Variants in ZFAND4 observed in about 807,000 individuals in gnomAD.
ZFAND4 encodes zinc finger AN1-type containing 4.
In ZFAND4, 43 loss-of-function variants were observed where a neutral mutation model predicts 64.4. That is an observed-to-expected ratio of 0.67 (90% CI 0.52 to 0.86). The LOEUF is 0.86. Ranked by LOEUF, ZFAND4 falls within the 40% of genes least tolerant of loss-of-function variation. The probability of loss-of-function intolerance (pLI) is 0.00; values close to 1 mark genes in which losing one functional copy is unlikely to be tolerated. For missense variants in ZFAND4, 929 were observed against 859.8 expected (o/e 1.08, Z -1.01); for synonymous variants, 296 against 305.7 (o/e 0.97, Z 0.33).
intron 2 of ZFAND4, among the ~76,000 whole-genome samples, chr10:45,660,647 C>T (rs1305028866): frequency 6.6e-6 from 1 of 151,772 alleles, no homozygotes; most frequent in Non-Finnish European, 1.5e-5. Context: ...AAGACAAAGA[C>T]AAAATTCTTA....
chr10:45,643,021 GCCC>G (rs377641949), intron 5 of ZFAND4, among the ~76,000 whole-genome samples: 8,806 of 146,882 alleles, frequency 0.06, 379 homozygotes, highest in African/African-American at 0.12. Flanking sequence ...GGGTTCAAGC[GCCC>G]TTTCTCCTGC....
At chr10:45,647,880 G>GT (rs2047496301) in intron 5 of ZFAND4, among the ~76,000 whole-genome samples, 1 of 152,060 alleles carries the variant, frequency 6.6e-6, no homozygotes, top group Non-Finnish European at 1.5e-5. Flanking sequence ...TATATGTAGG[G>GT]TTTTTCCTCC....
chr10:45,618,386 T>A, intron 8 of ZFAND4, 126 bp from the exon 9 acceptor site: 5 of 1,158,642 alleles, frequency 4.3e-6, no homozygotes, highest in Non-Finnish European at 6.0e-6. Flanking sequence ...TAATTTGTGC[T>A]ATTTTTATAT....
At chr10:45,660,111 AAG>A (rs935922092) in intron 2 of ZFAND4, among the ~76,000 whole-genome samples, 2 of 151,274 alleles carry the variant, frequency 1.3e-5, no homozygotes, top group African/African-American at 4.9e-5. Context: ...GCAGTGAGCC[AAG>A]ATCACACCAC....
chr10:45,639,915 C>T lies in ZFAND4; in HGVS notation c.618G>A (p.Glu206=). 2 of 1,613,362 alleles carry T rather than the reference C, an allele frequency of 1.2e-6. No individual in the cohort carries two copies. The highest frequency in any genetic ancestry group is 1.7e-6 in the Non-Finnish European group (2 of 1,179,854). Residue 206 remains glutamate, a synonymous_variant, in exon 6 of 10, where the codon GAG becomes GAA. Transcript: ENST00000344646. The stretch of plus-strand genomic sequence containing the variant: ...TTATCTGTTGCCCAGAAGAAGAAGG[C>T]TCAGTTTCTTCATCCTCATCTGTAT... ...NSDTDEDEET[E]PSSSGQQIIE...
chr10:45,648,256 T>C, intron 5 of ZFAND4, 38 bp downstream of exon 5: 4 of 1,537,158 alleles, frequency 2.6e-6, no homozygotes, highest in Non-Finnish European at 3.5e-6. Flanking sequence ...ATATAGATTA[T>C]TTTGACAACA....
At chr10:45,644,193 T>C (rs939014045) in intron 5 of ZFAND4, among the ~76,000 whole-genome samples, 6 of 152,184 alleles carry the variant, frequency 3.9e-5, no homozygotes, top group African/African-American at 1.4e-4. Context: ...TGTGACTTTT[T>C]TTATTACTAG....
Position 45,616,568 on chromosome 10 carries a change from AC to A in ZFAND4, c.2051del (p.Cys684LeufsTer67). The A allele has an allele frequency of 1.2e-6, 2 of 1,614,036 alleles. No individual in the cohort carries two copies. The highest frequency in any genetic ancestry group is 1.7e-6 in the Non-Finnish European group (2 of 1,179,960). ...GATGAGATGCACAGAAGTTGTTTCCACATCTAAAGCACAAAAAAAGTTTACG... is the reference window on the plus strand; with the variant it reads ...GATGAGATGCACAGAAGTTGTTTCCAATCTAAAGCACAAAAAAAGTTTACG... ...TGLASSYECR[C>X]GNNFCASHRY... On this transcript the variant is annotated frameshift_variant and splice_region_variant, in exon 10 of 10. Transcript: ENST00000344646. LOFTEE classifies it high-confidence loss of function.
At chr10:45,640,410 AG>A (rs756953390) in intron 5 of ZFAND4, 95 of 1,137,468 alleles carry the variant, frequency 8.4e-5, no homozygotes, top group Non-Finnish European at 1.1e-4. Flanking sequence ...AGTCATCCTG[AG>A]GAGATTCTCA....
At chr10:45,642,822 C>T (rs902408083) in intron 5 of ZFAND4, among the ~76,000 whole-genome samples, 1 of 149,598 alleles carries the variant, frequency 6.7e-6, no homozygotes, top group Admixed American at 6.7e-5. Flanking sequence ...AAATTTAATC[C>T]GAAATGACTT....
intron 8 of ZFAND4, among the ~76,000 whole-genome samples, chr10:45,618,719 A>G (rs1031507839): frequency 2.6e-5 from 4 of 152,348 alleles, no homozygotes; most frequent in Admixed American, 2.6e-4. Flanking sequence ...CTGACAGTTC[A>G]TCAAACCATG....
intron 5 of ZFAND4, among the ~76,000 whole-genome samples, chr10:45,641,290 G>C (rs369604680): frequency 6.6e-6 from 1 of 152,076 alleles, no homozygotes; most frequent in African/African-American, 2.4e-5. Flanking sequence ...TTTAAATAAA[G>C]CAAAATAAGA....
At chr10:45,623,563 C>A (rs1342598424) in intron 8 of ZFAND4, among the ~76,000 whole-genome samples, 4 of 152,102 alleles carry the variant, frequency 2.6e-5, no homozygotes, top group Non-Finnish European at 5.9e-5. Flanking sequence ...AAGACAAATA[C>A]TGTTTGATTC....
intron 5 of ZFAND4, chr10:45,640,471 T>C (rs977860748): frequency 5.1e-6 from 6 of 1,167,868 alleles, no homozygotes; most frequent in African/African-American, 3.4e-5. Flanking sequence ...CATCAGAACA[T>C]TTTCTATTCT....
rs144751254 is a variant in ZFAND4, at chr10:45,645,474, A to G, written c.569+2820T>C. On this transcript the variant is annotated intron_variant, in intron 5 of 9. Transcript: ENST00000344646. Reference sequence around the variant, plus strand: ...GTTTTTTTTAGCTCAGGAACTCTGAATGAGAAGAACTGGCCTTAACTACTA... The same window carrying G: ...GTTTTTTTTAGCTCAGGAACTCTGAGTGAGAAGAACTGGCCTTAACTACTA... 3.6e-3 allele frequency among the ~76,000 whole-genome samples: 542 copies of G among 152,296 alleles called. 5 individuals are homozygous for G. The highest frequency in any genetic ancestry group is 0.012 in the African/African-American group (517 of 41,572).
intron 6 of ZFAND4, among the ~76,000 whole-genome samples, chr10:45,629,436 G>A (rs2046059481): frequency 6.6e-6 from 1 of 152,082 alleles, no homozygotes; most frequent in Non-Finnish European, 1.5e-5. Flanking sequence ...TAAATTGAAA[G>A]GAAAAGGCAA....
intron 2 of ZFAND4, among the ~76,000 whole-genome samples, chr10:45,655,472 C>A (rs928579449): frequency 6.6e-6 from 1 of 152,048 alleles, no homozygotes; most frequent in Non-Finnish European, 1.5e-5. Flanking sequence ...GAAACAAGAA[C>A]AAACCAAACC....
intron 5 of ZFAND4, among the ~76,000 whole-genome samples, chr10:45,645,478 G>C (rs2047318762): frequency 6.6e-6 from 1 of 152,076 alleles, no homozygotes; most frequent in African/African-American, 2.4e-5. Context: ...CTCTGAATGA[G>C]AAGAACTGGC....
At position 45,652,015 on chromosome 10, in the gene ZFAND4, G is replaced by T; in HGVS notation, c.279C>A (p.Thr93=). Residue 93 remains threonine, a synonymous_variant, in exon 4 of 10, where the codon ACC becomes ACA. Coordinates refer to ENST00000344646, the MANE Select transcript of ZFAND4 (RefSeq NM_174890.4). ...LNDYNISEGC[T]LKLVLAMRGG... The stretch of plus-strand genomic sequence containing the variant: ...CACGCATAGCCAAAACTAGCTTCAA[G>T]GTACACCCTTCTGAAATGCTGTGGA... 6.2e-7 allele frequency: 1 copy of T among 1,613,628 alleles called. No individual in the cohort carries two copies. Among genetic ancestry groups the T allele is most frequent in the Non-Finnish European group, 8.5e-7 (1 of 1,179,732 alleles).
Sources: gnomAD v4.1 joint callset for allele counts (sites outside exome capture counted in the v4.1 genomes callset) on GRCh38, gnomAD v4.1.1 for gene constraint, MANE v1.5 for transcripts, NCBI Gene and HGNC (gene_info 2026-07-23, HGNC 2026-07-21) for gene names.